ERLEC1: variants seen among roughly 807,000 people sequenced by gnomAD.
The protein encoded by ERLEC1 is ER lectin.
Under a neutral mutation model 68.0 loss-of-function variants are expected in ERLEC1, and 47 were observed. The observed-to-expected ratio is 0.69, with a 90% CI of 0.55 to 0.88. The LOEUF is 0.88. ERLEC1 is among the 40% of genes least tolerant of loss of function. The probability of loss-of-function intolerance (pLI) is 0.00; values close to 1 mark genes in which losing one functional copy is unlikely to be tolerated. For synonymous variants in ERLEC1, 225 were observed against 203.2 expected (o/e 1.11, Z -0.91); for missense variants, 567 against 583.8 (o/e 0.97, Z 0.30).
intron 3 of ERLEC1, 23 bp downstream of exon 3, chr2:53,796,036 A>G (rs776729654): frequency 8.8e-6 from 13 of 1,472,940 alleles, no homozygotes; most frequent in Middle Eastern, 1.7e-4. Context: ...TGTTTACTTG[A>G]TGACTAGAAA....
At chr2:53,805,333 T>C (rs1222139587) in intron 8 of ERLEC1, among the ~76,000 whole-genome samples, 2 of 152,240 alleles carry the variant, frequency 1.3e-5, no homozygotes, top group South Asian at 2.1e-4. Context: ...CAGGATCTTA[T>C]TCTTATTTAT....
At position 53,787,220 on chromosome 2, in the gene ERLEC1, G is replaced by A; in HGVS notation, c.10G>A (p.Gly4Arg). The change falls in exon 1 of 14, where the codon GGA becomes AGA. Residue 4 changes from glycine to arginine, a missense_variant. Transcript: ENST00000185150. MEEGGGGVRSLVPG... is the reference protein window; with the variant it reads MEERGGGVRSLVPG... ...AAAGCGGCGGCGGAGGATGGAGGAA[G>A]GAGGCGGCGGCGTACGGAGTCTGGT... The A allele has an allele frequency of 3.1e-6, 5 of 1,602,496 alleles. No homozygotes were observed. Among genetic ancestry groups the A allele is most frequent in the Non-Finnish European group, 4.2e-6 (5 of 1,177,998 alleles).
At chr2:53,799,480 G>T (rs1021617189) in intron 6 of ERLEC1, among the ~76,000 whole-genome samples, 1 of 152,118 alleles carries the variant, frequency 6.6e-6, no homozygotes, top group African/African-American at 2.4e-5. Context: ...CATGTTAAAA[G>T]CAGGGACAGT....
chr2:53,797,272 T>C (rs1037135436), intron 3 of ERLEC1, among the ~76,000 whole-genome samples: 2 of 152,214 alleles, frequency 1.3e-5, no homozygotes, highest in Non-Finnish European at 2.9e-5. Context: ...CTAAGCCAGG[T>C]AATTATTACA....
At chr2:53,816,012 T>C (rs1676861521) in intron 13 of ERLEC1, among the ~76,000 whole-genome samples, 1 of 152,156 alleles carries the variant, frequency 6.6e-6, no homozygotes, top group Non-Finnish European at 1.5e-5. Context: ...TTTTTTTTAA[T>C]AGAGATAGGG....
chr2:53,815,070 A>G (rs1409038419), intron 13 of ERLEC1, 135 bp downstream of exon 13: 10 of 555,136 alleles, frequency 1.8e-5, no homozygotes, highest in Admixed American at 3.4e-5. Context: ...CCGTGGCATA[A>G]TCTTGGCTCA....
chr2:53,795,028 CAA>C (rs1322174169), intron 2 of ERLEC1, among the ~76,000 whole-genome samples: 2 of 109,524 alleles, frequency 1.8e-5, no homozygotes, highest in African/African-American at 3.9e-5. Flanking sequence ...GGTTTTAAAA[CAA>C]GATAACAATT....
intron 13 of ERLEC1, among the ~76,000 whole-genome samples, chr2:53,816,316 G>T (rs1184486383): frequency 4.7e-5 from 7 of 149,700 alleles, no homozygotes; most frequent in Non-Finnish European, 8.9e-5. Context: ...ACCCAGGCTG[G>T]AGTGCAGTGG....
intron 6 of ERLEC1, 50 bp downstream of exon 6, chr2:53,799,131 G>C: frequency 6.6e-7 from 1 of 1,514,300 alleles, no homozygotes; most frequent in Non-Finnish European, 9.1e-7. Flanking sequence ...TTGTTAGTGA[G>C]GTATGAATTT....
intron 8 of ERLEC1, among the ~76,000 whole-genome samples, chr2:53,806,640 T>A (rs1349497067): frequency 2.0e-5 from 3 of 152,132 alleles, no homozygotes; most frequent in Non-Finnish European, 4.4e-5. Context: ...GAAGAGAGAA[T>A]AAGGTCATTG....
At chr2:53,807,319 C>A (rs1283827103) in intron 8 of ERLEC1, among the ~76,000 whole-genome samples, 2 of 152,146 alleles carry the variant, frequency 1.3e-5, no homozygotes, top group Non-Finnish European at 2.9e-5. Context: ...GAGTTTTTCT[C>A]TTTGTGAAGT....
At chr2:53,816,707 T>C (rs1044420684) in intron 13 of ERLEC1, among the ~76,000 whole-genome samples, 3 of 152,210 alleles carry the variant, frequency 2.0e-5, no homozygotes, top group African/African-American at 4.8e-5. Flanking sequence ...GAAAATATTC[T>C]CCTATATTTC....
intron 8 of ERLEC1, among the ~76,000 whole-genome samples, chr2:53,807,896 G>C (rs966776635): frequency 1.3e-5 from 2 of 151,946 alleles, no homozygotes; most frequent in African/African-American, 2.4e-5. Context: ...GTGGTGGCAG[G>C]CTCCTATAAT....
chr2:53,795,159 G>T (rs1675622062), intron 2 of ERLEC1, among the ~76,000 whole-genome samples: 1 of 151,998 alleles, frequency 6.6e-6, no homozygotes, highest in African/African-American at 2.4e-5. Context: ...TGCCCTAATT[G>T]CCTCTTATCC....
At chr2:53,809,149 T>C (rs1449788572) in intron 9 of ERLEC1, 65 bp from the exon 10 acceptor site, 12 of 1,086,066 alleles carry the variant, frequency 1.1e-5, no homozygotes, top group Non-Finnish European at 1.6e-5. Flanking sequence ...TCCATTACTG[T>C]CATGTGGCAT....
chr2:53,814,763 C>A, intron 12 of ERLEC1, 97 bp from the exon 13 acceptor site: 1 of 1,020,836 alleles, frequency 9.8e-7, no homozygotes, highest in Non-Finnish European at 1.5e-6. Context: ...TTAAATCATA[C>A]AGGGTCCACT....
At chr2:53,796,509 G>C (rs1675710363) in intron 3 of ERLEC1, among the ~76,000 whole-genome samples, 1 of 151,748 alleles carries the variant, frequency 6.6e-6, no homozygotes, top group Non-Finnish European at 1.5e-5. Flanking sequence ...ACCCAGGCTA[G>C]AGTATAGTGG....
At chr2:53,804,780 C>T (rs1264051662) in intron 8 of ERLEC1, among the ~76,000 whole-genome samples, 1 of 151,996 alleles carries the variant, frequency 6.6e-6, no homozygotes, top group South Asian at 2.1e-4. Context: ...TACCCATTAA[C>T]CATCCCCACC....
chr2:53,787,316 CAA>C lies in ERLEC1; in HGVS notation c.107_108del (p.Gln36ProfsTer4). On this transcript the variant is annotated frameshift_variant, in exon 1 of 14. Transcript: ENST00000185150. LOFTEE classifies it high-confidence loss of function. ...EASGGGRALPQLSDDIPFRVN... is the reference protein window; with the variant it reads ...EASGGGRALPXLSDDIPFRVN... ...GTCCGGCGGCGGCCGAGCCCTTCCTCAACTCAGCGATGACATCCCTTTCCGAG... is the reference window on the plus strand; with the variant it reads ...GTCCGGCGGCGGCCGAGCCCTTCCTCCTCAGCGATGACATCCCTTTCCGAG... 6.2e-7 allele frequency: 1 copy of C among 1,611,512 alleles called. No individual in the cohort carries two copies. The highest frequency in any genetic ancestry group is 8.5e-7 in the Non-Finnish European group (1 of 1,179,980).
Sources: allele counts gnomAD v4.1 joint callset (sites outside exome capture counted in the v4.1 genomes callset), GRCh38; gene constraint gnomAD v4.1.1; transcripts MANE v1.5; gene names NCBI Gene and HGNC (gene_info 2026-07-23, HGNC 2026-07-21).